Variants in CFAP54 observed in about 807,000 individuals in gnomAD.
CFAP54 encodes cilia and flagella associated protein 54, also known as cilia- and flagella-associated protein 54.
A neutral mutation model predicts 370.4 loss-of-function variants in CFAP54; 290 were observed. That is an observed-to-expected ratio of 0.78 (90% CI 0.71 to 0.86). The LOEUF (loss-of-function observed/expected upper bound fraction) is 0.86, where lower values mean the gene tolerates loss of function less well. Ranked by LOEUF, CFAP54 falls within the 40% of genes least tolerant of loss-of-function variation. CFAP54 has a pLI of 0.00. For synonymous variants in CFAP54, 1,206 were observed against 1,236.5 expected, an observed-to-expected ratio of 0.98 and a Z score of 0.52; for missense variants, 3,399 against 3,528.7, an observed-to-expected ratio of 0.96 and a Z score of 0.93.
intron 66 of CFAP54, among the ~76,000 whole-genome samples, chr12:96,855,548 C>T (rs904936361): frequency 2.0e-5 from 3 of 152,240 alleles, no homozygotes; most frequent in African/African-American, 7.2e-5. Flanking sequence ...AAAGGGGCTA[C>T]AGGCCCCATG....
chr12:96,497,183 A>T (rs1259182167), intron 1 of CFAP54, among the ~76,000 whole-genome samples: 1 of 152,178 alleles, frequency 6.6e-6, no homozygotes, highest in African/African-American at 2.4e-5. Context: ...TGGCAAGCTC[A>T]TTCATGTAGT....
intron 65 of CFAP54, among the ~76,000 whole-genome samples, chr12:96,826,288 A>G (rs1216437690): frequency 6.9e-6 from 1 of 143,938 alleles, no homozygotes; most frequent in African/African-American, 2.5e-5. Context: ...AAATATATTC[A>G]AGACATATAT....
At chr12:96,800,433 C>A (rs1403268906) in intron 63 of CFAP54, among the ~76,000 whole-genome samples, 1 of 152,152 alleles carries the variant, frequency 6.6e-6, no homozygotes, top group East Asian at 1.9e-4. Flanking sequence ...GCAGAACACA[C>A]CATTTTTCCA....
chr12:96,855,823 C>G (rs1260973663), intron 66 of CFAP54, among the ~76,000 whole-genome samples: 1 of 152,216 alleles, frequency 6.6e-6, no homozygotes, highest in Non-Finnish European at 1.5e-5. Context: ...TGGTGGCCCT[C>G]TTCTCACAGT....
At chr12:96,571,888 A>C (rs1009759050) in intron 19 of CFAP54, among the ~76,000 whole-genome samples, 3 of 152,200 alleles carry the variant, frequency 2.0e-5, no homozygotes, top group Non-Finnish European at 4.4e-5. Flanking sequence ...GTTTGCCCTG[A>C]ATTCTGTTAT....
intron 33 of CFAP54, 69 bp from the exon 34 acceptor site, chr12:96,647,806 A>G (rs1956813655): frequency 1.5e-6 from 2 of 1,325,662 alleles, no homozygotes; most frequent in African/African-American, 3.1e-5. Context: ...ATAAAAATAG[A>G]TTGCATTTGA....
intron 19 of CFAP54, among the ~76,000 whole-genome samples, chr12:96,569,224 A>T (rs1003123977): frequency 2.0e-5 from 3 of 152,182 alleles, no homozygotes; most frequent in Admixed American, 6.5e-5. Flanking sequence ...TCTGTACAGC[A>T]TCCATTTCCC....
At chr12:96,796,532 A>G (rs1324463682) in intron 63 of CFAP54, among the ~76,000 whole-genome samples, 1 of 152,182 alleles carries the variant, frequency 6.6e-6, no homozygotes, top group African/African-American at 2.4e-5. Flanking sequence ...AGTTTTATGC[A>G]GTCTTTAAGC....
intron 66 of CFAP54, among the ~76,000 whole-genome samples, chr12:96,857,098 A>G (rs899176614): frequency 6.6e-6 from 1 of 152,154 alleles, no homozygotes; most frequent in Non-Finnish European, 1.5e-5. Context: ...ATCAGATCTC[A>G]TGAGAACTCA....
rs144258898 is a variant in CFAP54, at chr12:96,654,078, G to A, written c.5100+2263G>A. On this transcript the variant is annotated intron_variant, in intron 36 of 67. Coordinates refer to ENST00000524981, the MANE Select transcript of CFAP54 (RefSeq NM_001306084.2). ...ACAGAAAATATGAATTGCCCTAAAT[G>A]TACTAACAAACTTGACTTCATAATC... 5.4e-3 allele frequency among the ~76,000 whole-genome samples: 815 copies of A among 152,232 alleles called. 10 individuals are homozygous for A. Among genetic ancestry groups the A allele is most frequent in the African/African-American group, 0.018 (763 of 41,552 alleles).
At chr12:96,754,888 C>T (rs1452621839) in intron 56 of CFAP54, among the ~76,000 whole-genome samples, 1 of 152,012 alleles carries the variant, frequency 6.6e-6, no homozygotes, top group Non-Finnish European at 1.5e-5. Context: ...GGACCATAGG[C>T]GTGCACCACC....
intron 67 of CFAP54, among the ~76,000 whole-genome samples, chr12:96,873,673 ACT>A (rs1245264647): frequency 6.6e-6 from 1 of 152,184 alleles, no homozygotes; most frequent in Admixed American, 6.5e-5. Context: ...CAAATAGTCA[ACT>A]CTGCCATTAC....
chr12:96,675,348 C>A (rs1020211378), intron 39 of CFAP54, among the ~76,000 whole-genome samples: 1 of 152,204 alleles, frequency 6.6e-6, no homozygotes, highest in African/African-American at 2.4e-5. Context: ...TGCTCATCAT[C>A]ACTGGCCATC....
At position 96,559,706 on chromosome 12, in the gene CFAP54, G is replaced by T. The variant is rs142255543; in HGVS notation, c.2411-4762G>T. On this transcript the variant is annotated intron_variant, in intron 17 of 67. Coordinates refer to ENST00000524981, the MANE Select transcript of CFAP54 (RefSeq NM_001306084.2). ...CATGGACATATCCATAGGCTGAGAA[G>T]TTGCAGACATTATGATATATTTTAC... Among the ~76,000 whole-genome samples, 775 of 152,162 alleles carry T rather than the reference G, an allele frequency of 5.1e-3. 11 individuals are homozygous for T. Among genetic ancestry groups the T allele is most frequent in the African/African-American group, 0.018 (732 of 41,524 alleles).
Position 96,667,795 on chromosome 12 carries a change from C to T in CFAP54, c.5563+3863C>T, listed in dbSNP as rs867486618. ...ATTTCTGTAGCCTGCTTGAATTTCTCCTCAGAAAATGGGTTTTTCTTTTGT... is the reference window on the plus strand; with the variant it reads ...ATTTCTGTAGCCTGCTTGAATTTCTTCTCAGAAAATGGGTTTTTCTTTTGT... On this transcript the variant is annotated intron_variant, in intron 39 of 67. Coordinates refer to ENST00000524981, the MANE Select transcript of CFAP54 (RefSeq NM_001306084.2). Among the ~76,000 whole-genome samples the T allele has an allele frequency of 9.9e-5, 15 of 152,172 alleles. No individual in the cohort carries two copies. In the South Asian group the frequency reaches 1.0e-3, roughly 10 times the overall value.
intron 60 of CFAP54, among the ~76,000 whole-genome samples, chr12:96,773,535 G>A (rs1195681770): frequency 6.6e-6 from 1 of 152,204 alleles, no homozygotes; most frequent in African/African-American, 2.4e-5. Flanking sequence ...TAAGATGGAT[G>A]TTGAGTGAAC....
At chr12:96,781,604 G>A (rs1303324183) in intron 60 of CFAP54, among the ~76,000 whole-genome samples, 1 of 152,088 alleles carries the variant, frequency 6.6e-6, no homozygotes, top group African/African-American at 2.4e-5. Context: ...CAAGGAGAAG[G>A]CCATAAAGGT....
intron 5 of CFAP54, among the ~76,000 whole-genome samples, chr12:96,513,274 T>C (rs1354852133): frequency 6.6e-6 from 1 of 152,120 alleles, no homozygotes; most frequent in Non-Finnish European, 1.5e-5. Context: ...TTCCTGAAAA[T>C]GTTAGTATTC....
intron 26 of CFAP54, among the ~76,000 whole-genome samples, chr12:96,612,588 A>T (rs1447846319): frequency 6.6e-6 from 1 of 152,218 alleles, no homozygotes; most frequent in African/African-American, 2.4e-5. Context: ...AAAGACACAG[A>T]CTGGCAAGTT....
Sources: gnomAD v4.1 joint callset for allele counts (sites outside exome capture counted in the v4.1 genomes callset) on GRCh38, gnomAD v4.1.1 for gene constraint, MANE v1.5 for transcripts, NCBI Gene and HGNC (gene_info 2026-07-23, HGNC 2026-07-21) for gene names.